The following EYA1 variants were observed in gnomAD, a reference collection of about 807,000 sequenced individuals.
The protein encoded by EYA1 is EYA transcriptional coactivator and phosphatase 1.
EYA1 carries 16 observed loss-of-function variants against 82.0 expected under a neutral mutation model. The ratio of observed to expected loss-of-function variants is 0.20; its 90% confidence interval spans 0.13 to 0.30. The LOEUF (loss-of-function observed/expected upper bound fraction) is 0.30, where lower values mean the gene tolerates loss of function less well. Ranked by LOEUF, EYA1 falls within the 10% of genes least tolerant of loss-of-function variation. The pLI is 1.00. For synonymous variants in EYA1, 261 were observed against 264.4 expected, an observed-to-expected ratio of 0.99 and a Z score of 0.12; for missense variants, 633 against 730.7, an observed-to-expected ratio of 0.87 and a Z score of 1.54.
chr8:71,472,801 A>C (rs1809324190), intron 2 of EYA1, among the ~76,000 whole-genome samples: 1 of 147,734 alleles, frequency 6.8e-6, no homozygotes, highest in African/African-American at 2.5e-5. Context: ...ATATATATAT[A>C]TATATATATA....
Position 71,439,457 on chromosome 8 carries a change from G to A in EYA1, c.34-82946C>T, listed in dbSNP as rs185407043. Among the ~76,000 whole-genome samples the A allele has an allele frequency of 5.6e-3, 848 of 152,292 alleles. 3 individuals carry two copies. Among genetic ancestry groups the A allele is most frequent in the Non-Finnish European group, 9.5e-3 (647 of 68,022 alleles). On this transcript the variant is annotated intron_variant, in intron 2 of 18. Coordinates refer to the EYA1 transcript ENST00000643681. ...AGTTATGTACTAGTTGGGATGTTGT[G>A]CAACCAGCTGGTGTCCCAGGAAGCA... is the stretch of plus-strand genomic sequence containing the variant.
chr8:71,240,483 G>A (rs1229314409), intron 12 of EYA1, among the ~76,000 whole-genome samples: 2 of 152,122 alleles, frequency 1.3e-5, no homozygotes, highest in South Asian at 2.1e-4. Context: ...CTAACGGGGT[G>A]AGCGTGGTAT....
At chr8:71,546,335 A>G (rs1461384642) in intron 1 of EYA1, among the ~76,000 whole-genome samples, 1 of 152,288 alleles carries the variant, frequency 6.6e-6, no homozygotes, top group Non-Finnish European at 1.5e-5. Flanking sequence ...TTCCAATAGT[A>G]GCTGAATGAA....
At chr8:71,476,880 C>T (rs140288576) in intron 2 of EYA1, among the ~76,000 whole-genome samples, 23 of 152,030 alleles carry the variant, frequency 1.5e-4, no homozygotes, top group African/African-American at 4.8e-4. Flanking sequence ...AAAATAGACA[C>T]GTAGATAAAT....
At chr8:71,288,343 T>C (rs1818618357) in intron 9 of EYA1, among the ~76,000 whole-genome samples, 1 of 152,214 alleles carries the variant, frequency 6.6e-6, no homozygotes, top group Non-Finnish European at 1.5e-5. Context: ...TCTCCATCTT[T>C]GGGAGACAGT....
At chr8:71,480,008 G>A (rs1330404761) in intron 2 of EYA1, among the ~76,000 whole-genome samples, 1 of 151,824 alleles carries the variant, frequency 6.6e-6, no homozygotes, top group Admixed American at 6.6e-5. Flanking sequence ...CATAATCCCT[G>A]GTATCTCAAG....
intron 16 of EYA1, among the ~76,000 whole-genome samples, chr8:71,211,545 G>A (rs576572937): frequency 7.9e-5 from 12 of 152,284 alleles, no homozygotes; most frequent in African/African-American, 2.6e-4. Flanking sequence ...TCACAGCATT[G>A]CAATTGGGGT....
At chr8:71,404,099 G>C (rs1830093673) in intron 2 of EYA1, 1 of 152,122 alleles carries the variant, frequency 6.6e-6, no homozygotes, top group Non-Finnish European at 1.5e-5. Flanking sequence ...ATGGCAACAG[G>C]GTCCAAATAA....
In EYA1 at chr8:71,296,151, A is replaced by G. The variant is rs370043302; in HGVS notation, c.826+2896T>C. On this transcript the variant is annotated intron_variant, in intron 9 of 17. Coordinates refer to ENST00000340726, the MANE Select transcript of EYA1 (RefSeq NM_000503.6). Reference sequence around the variant, plus strand: ...AGGCACTGTTTTTAGTTTTTAAAATAGAGTAAAATTTTGGAAGCTTTCAGA... The same window carrying G: ...AGGCACTGTTTTTAGTTTTTAAAATGGAGTAAAATTTTGGAAGCTTTCAGA... 1.5e-3 allele frequency among the ~76,000 whole-genome samples: 232 copies of G among 152,340 alleles called. 1 individual carries two copies. The highest frequency in any genetic ancestry group is 5.3e-3 in the African/African-American group (220 of 41,590).
chr8:71,424,798 T>C (rs1831328674), intron 2 of EYA1, among the ~76,000 whole-genome samples: 1 of 152,050 alleles, frequency 6.6e-6, no homozygotes, highest in South Asian at 2.1e-4. Context: ...TGGTTTCCTA[T>C]AGTCTACTGG....
intron 2 of EYA1, among the ~76,000 whole-genome samples, chr8:71,391,920 G>A (rs974204485): frequency 1.3e-5 from 2 of 152,138 alleles, no homozygotes; most frequent in East Asian, 1.9e-4. Flanking sequence ...CTCCTTTCTA[G>A]AATCCCACTG....
intron 2 of EYA1, among the ~76,000 whole-genome samples, chr8:71,399,381 G>A (rs1056886952): frequency 1.3e-5 from 2 of 152,290 alleles, no homozygotes; most frequent in Middle Eastern, 3.4e-3. Flanking sequence ...GCTGCAGACT[G>A]GGCTGTTCCT....
intron 12 of EYA1, among the ~76,000 whole-genome samples, chr8:71,226,004 T>A (rs1302199866): frequency 6.6e-6 from 1 of 152,224 alleles, no homozygotes; most frequent in African/African-American, 2.4e-5. Flanking sequence ...TGATTCTATT[T>A]ATTAATATTC....
chr8:71,201,636 A>T (rs2128808057), intron 17 of EYA1, among the ~76,000 whole-genome samples: 1 of 152,324 alleles, frequency 6.6e-6, no homozygotes, highest in African/African-American at 2.4e-5. Context: ...ACATTTCTTT[A>T]TATTTTTATA....
At chr8:71,438,766 A>T (rs1415729046) in intron 2 of EYA1, among the ~76,000 whole-genome samples, 2 of 152,172 alleles carry the variant, frequency 1.3e-5, no homozygotes, top group Non-Finnish European at 2.9e-5. Context: ...CACAGTGAAA[A>T]GCTCCAGGCA....
intron 2 of EYA1, among the ~76,000 whole-genome samples, chr8:71,407,084 T>C (rs1830291497): frequency 9.4e-6 from 1 of 106,932 alleles, no homozygotes; most frequent in Admixed American, 1.0e-4. Context: ...CCGAGCAGCC[T>C]AACTGGGAGG....
chr8:71,227,445 T>C (rs1810691772), intron 12 of EYA1, among the ~76,000 whole-genome samples: 1 of 152,172 alleles, frequency 6.6e-6, no homozygotes, highest in South Asian at 2.1e-4. Context: ...ATCATTCTTT[T>C]TATTGCAAAC....
chr8:71,346,431 A>AATAT (rs3066856), intron 3 of EYA1, among the ~76,000 whole-genome samples: 14,093 of 104,848 alleles, frequency 0.13, 1,151 homozygotes, highest in Non-Finnish European at 0.14. Flanking sequence ...TACTGCAGTG[A>AATAT]ATATATATAT....
intron 4 of EYA1, among the ~76,000 whole-genome samples, chr8:71,332,390 T>C (rs1204702665): frequency 6.6e-6 from 1 of 152,162 alleles, no homozygotes; most frequent in African/African-American, 2.4e-5. Flanking sequence ...CCTGTCTTCC[T>C]TTGTCAACCG....
Sources: allele counts gnomAD v4.1 joint callset (sites outside exome capture counted in the v4.1 genomes callset), GRCh38; gene constraint gnomAD v4.1.1; transcripts MANE v1.5; gene names NCBI Gene and HGNC (gene_info 2026-07-23, HGNC 2026-07-21).